The following UBXN11 variants were observed in gnomAD, a reference collection of about 807,000 sequenced individuals.
UBXN11 encodes UBX domain protein 11.
In UBXN11, 47 loss-of-function variants were observed where a neutral mutation model predicts 62.8. The observed-to-expected ratio is 0.75, with a 90% CI of 0.59 to 0.95. The LOEUF is 0.95. UBXN11 is among the 40% of genes least tolerant of loss of function. The probability of loss-of-function intolerance (pLI) is 0.00; values close to 1 mark genes in which losing one functional copy is unlikely to be tolerated. For synonymous variants in UBXN11, 294 were observed against 267.0 expected, an observed-to-expected ratio of 1.10 and a Z score of -0.99; for missense variants, 638 against 661.7, an observed-to-expected ratio of 0.96 and a Z score of 0.39.
upstream of UBXN11, among the ~76,000 whole-genome samples, chr1:26,308,122 C>T (rs929755409): frequency 1.3e-5 from 2 of 151,992 alleles, no homozygotes; most frequent in East Asian, 1.9e-4. Flanking sequence ...CAAAATCAGC[C>T]GGGCATGATG....
chr1:26,285,928 G>A lies in UBXN11; in HGVS notation c.669C>T (p.Gly223=), dbSNP rs375310948. 4.0e-5 allele frequency: 64 copies of A among 1,613,408 alleles called. No homozygotes were observed. In the African/African-American group the frequency reaches 4.3e-4, roughly 11 times the overall value. Residue 223 remains glycine, a synonymous_variant, in exon 9 of 15, where the codon GGC becomes GGT. Transcript: ENST00000374222. The part of the protein sequence containing the change: ...EGDTQVTPVP[G]GARLRTLEPI... The stretch of plus-strand genomic sequence containing the variant: ...GCTCGAGGGTACGCAGCCGTGCCCC[G>A]CCGGGCACTGGTGTCACTTGGGTGT...
intron 8 of UBXN11, 23 bp from the exon 9 acceptor site, chr1:26,286,060 G>T (rs2073126248): frequency 6.4e-7 from 1 of 1,572,450 alleles, no homozygotes; most frequent in African/African-American, 1.3e-5. Context: ...ACAGACACCT[G>T]TGAGCCGCCT....
chr1:26,312,993 A>AT (rs2073758875), intron 1 of UBXN11, among the ~76,000 whole-genome samples: 1 of 150,504 alleles, frequency 6.6e-6, no homozygotes, highest in African/African-American at 2.4e-5. Context: ...AAAAAAAAAA[A>AT]AAAAAAAAAA....
chr1:26,306,833 G>GGGGGGGGGGT (rs1553165087), upstream of UBXN11: 13 of 32,154 alleles, frequency 4.0e-4, no homozygotes, highest in Non-Finnish European at 8.7e-4. Flanking sequence ...GCGGGGTGGG[G>GGGGGGGGGGT]GGGGGGGGTG....
At position 26,285,810 on chromosome 1, in the gene UBXN11, A is replaced by G; in HGVS notation, c.774+13T>C. On this transcript the variant is annotated intron_variant, in intron 9 of 14. Transcript: ENST00000374222. ...GGGCACTAGAGCACCACCCCCCCCA[A>G]CACCGCTCCTACCTGTGTGGAGGGA... 3.2e-6 allele frequency: 5 copies of G among 1,585,818 alleles called. No homozygotes were observed. Among genetic ancestry groups the G allele is most frequent in the South Asian group, 2.2e-5 (2 of 89,382 alleles).
At chr1:26,306,854 A>C (rs1366940687), upstream of UBXN11, 7 of 85,660 alleles carry the variant, frequency 8.2e-5, no homozygotes, top group Non-Finnish European at 1.2e-4. Flanking sequence ...GTTCGTTCCT[A>C]CCCTCAGGTG....
At chr1:26,297,933 C>T in intron 5 of UBXN11, 29 bp downstream of exon 5, 1 of 1,609,400 alleles carries the variant, frequency 6.2e-7, no homozygotes, top group Middle Eastern at 1.7e-4. Flanking sequence ...TCAGACCGGC[C>T]CCTGGCCCTC....
At chr1:26,298,113 T>G (rs762899407) in intron 4 of UBXN11, 51 bp from the exon 5 acceptor site, 1 of 1,572,932 alleles carries the variant, frequency 6.4e-7, no homozygotes, top group African/African-American at 1.4e-5. Context: ...CGAGGCTGAG[T>G]TGTGGGGGGG....
chr1:26,295,485 C>A (rs1157113663), intron 7 of UBXN11, among the ~76,000 whole-genome samples: 1 of 152,164 alleles, frequency 6.6e-6, no homozygotes, highest in Admixed American at 6.6e-5. Flanking sequence ...AGGATCCAGC[C>A]AGAACCACGG....
In UBXN11 at chr1:26,282,285, A is replaced by AGGG; in HGVS notation, c.*11_*13dup. 6.8e-7 allele frequency: 1 copy of AGGG among 1,471,622 alleles called. No homozygotes were observed. Among genetic ancestry groups the AGGG allele is most frequent in the Non-Finnish European group, 8.9e-7 (1 of 1,119,734 alleles). 91.2% of individuals were successfully genotyped at this position (1,471,622 alleles called of 1,614,324 possible). A position where few individuals can be genotyped will look rare whatever the true frequency, so the allele number is the denominator to read the frequency against. ...AAGAGCCTGGCGGAGCAGCGGGTTG[A>AGGG]GGGGGCGGGTGCTTTATTGGGGGCT... On this transcript the variant is annotated 3_prime_UTR_variant, in exon 15 of 15. Transcript: ENST00000374222.
intron 1 of UBXN11, among the ~76,000 whole-genome samples, chr1:26,312,504 G>A (rs551637202): frequency 2.2e-4 from 33 of 151,264 alleles, no homozygotes; most frequent in African/African-American, 6.8e-4. Flanking sequence ...TGCCCGCCTC[G>A]GCCTCTCAAA....
chr1:26,294,157 T>C, intron 8 of UBXN11, 48 bp downstream of exon 8: 1 of 1,607,390 alleles, frequency 6.2e-7, no homozygotes, highest in South Asian at 1.1e-5. Context: ...CAGCAAACTG[T>C]TGGAGAATTC....
chr1:26,282,444 C>T lies in UBXN11; in HGVS notation c.1418G>A (p.Arg473Gln), dbSNP rs200674226. 7.9e-4 allele frequency: 1,264 copies of T among 1,601,914 alleles called. 2 individuals carry two copies. The highest frequency in any genetic ancestry group is 9.3e-4 in the Non-Finnish European group (1,092 of 1,178,198). ...GAATTTCAGGCTGGACTTCGGGGCT[C>T]GGCGTGCCCGCAGCAGCAGTGCTGC... The part of the protein sequence containing the change: ...PKAALLLRAR[R>Q]APKSSLKFSP... The change falls in exon 15 of 15, where the codon CGA becomes CAA. Residue 473 changes from arginine (R) to glutamine (Q), a missense_variant. Arg to Gln is a conservative substitution (Grantham distance 43, BLOSUM62 1). Coordinates refer to ENST00000374222, the MANE Select transcript of UBXN11 (RefSeq NM_001389556.1).
rs1347434303 is a variant in UBXN11, at chr1:26,302,794, C to T, written c.71+19G>A. ...ATACAGAGGCGGGGACAGAAAGACC[C>T]CTGAGGCTGGCTCCTTACCCAGGAT... is the stretch of plus-strand genomic sequence containing the variant. On this transcript the variant is annotated intron_variant, in intron 2 of 14. Coordinates refer to ENST00000374222, the MANE Select transcript of UBXN11 (RefSeq NM_001389556.1). The T allele has an allele frequency of 6.2e-7, 1 of 1,610,440 alleles. No homozygotes were observed.
intron 8 of UBXN11, among the ~76,000 whole-genome samples, chr1:26,291,976 G>A (rs7542844): frequency 0.84 from 126,937 of 151,854 alleles, 54,229 homozygotes; most frequent in Non-Finnish European, 0.93. Context: ...TGACTCCTCT[G>A]GTCCTCTCCC....
At chr1:26,308,704 GC>G (rs2073708344), upstream of UBXN11, among the ~76,000 whole-genome samples, 3 of 152,174 alleles carry the variant, frequency 2.0e-5, no homozygotes, top group Admixed American at 2.0e-4. Flanking sequence ...AGATAAGCAA[GC>G]GTGGGAAGCA....
At chr1:26,306,003 C>A (rs950083885) in intron 1 of UBXN11, among the ~76,000 whole-genome samples, 10 of 152,226 alleles carry the variant, frequency 6.6e-5, no homozygotes, top group African/African-American at 1.9e-4. Flanking sequence ...TAATCTTCTC[C>A]CAGATTACAA....
intron 1 of UBXN11, among the ~76,000 whole-genome samples, chr1:26,313,954 G>C (rs1173777116): frequency 6.6e-6 from 1 of 151,748 alleles, no homozygotes; most frequent in African/African-American, 2.4e-5. Context: ...CTAAGTTTTT[G>C]TATTTTTAGT....
intron 7 of UBXN11, among the ~76,000 whole-genome samples, chr1:26,295,765 G>A (rs913028028): frequency 3.9e-5 from 6 of 152,222 alleles, no homozygotes; most frequent in African/African-American, 1.4e-4. Context: ...CTGTGTACTC[G>A]TTTGTTCCCC....
Sources: allele counts gnomAD v4.1 joint callset (sites outside exome capture counted in the v4.1 genomes callset), GRCh38; gene constraint gnomAD v4.1.1; transcripts MANE v1.5; gene names NCBI Gene and HGNC (gene_info 2026-07-23, HGNC 2026-07-21).